Variants in ZNG1F observed in about 807,000 individuals in gnomAD.
The protein encoded by ZNG1F is Zn regulated GTPase metalloprotein activator 1F, also known as zinc-regulated GTPase metalloprotein activator 1F.
the ZNG1F span, among the ~76,000 whole-genome samples, chr9:41,166,605 TAA>T: frequency 5.8e-5 from 5 of 85,642 alleles, no homozygotes; most frequent in Non-Finnish European, 8.7e-5. Context: ...TGACTTCAAG[TAA>T]AAGTTTAGTT....
At chr9:41,191,022 T>G in the ZNG1F span, among the ~76,000 whole-genome samples, 2 of 39,876 alleles carry the variant, frequency 5.0e-5, no homozygotes, top group African/African-American at 1.3e-4. Context: ...AATCAGGTCT[T>G]GAATGTTTTG....
At chr9:41,199,814 G>A in the ZNG1F span, among the ~76,000 whole-genome samples, 27 of 152,008 alleles carry the variant, frequency 1.8e-4, no homozygotes, top group African/African-American at 6.0e-4. Context: ...CTGTGCACCC[G>A]CAGGCTCAAA....
the ZNG1F span, among the ~76,000 whole-genome samples, chr9:41,154,695 A>G: frequency 4.7e-5 from 7 of 149,220 alleles, no homozygotes; most frequent in African/African-American, 1.7e-4. Flanking sequence ...CTCAGAAATA[A>G]TGCCGCATAT....
At chr9:41,195,435 G>T in the ZNG1F span, among the ~76,000 whole-genome samples, 1 of 41,058 alleles carries the variant, frequency 2.4e-5, no homozygotes, top group Non-Finnish European at 7.4e-5. Context: ...GAATATTGAA[G>T]ATGACTAGCA....
chr9:41,139,994 T>TA, the ZNG1F span, among the ~76,000 whole-genome samples: 2 of 151,944 alleles, frequency 1.3e-5, no homozygotes, highest in Admixed American at 1.3e-4. Context: ...GTTCAATGGG[T>TA]ATAATTTTAG....
chr9:41,169,689 T>C, the ZNG1F span, among the ~76,000 whole-genome samples: 19 of 147,826 alleles, frequency 1.3e-4, no homozygotes, highest in African/African-American at 4.5e-4. Context: ...TAGTTAATTC[T>C]ATTGTATACT....
the ZNG1F span, among the ~76,000 whole-genome samples, chr9:41,151,827 GC>G: frequency 6.9e-6 from 1 of 143,990 alleles, no homozygotes. Context: ...CACCAGGCCT[GC>G]CCTAAAAGAG....
chr9:41,192,616 G>T, the ZNG1F span, among the ~76,000 whole-genome samples: 1 of 115,798 alleles, frequency 8.6e-6, no homozygotes, highest in Non-Finnish European at 1.8e-5. Context: ...TGGGATTACA[G>T]GTATGCACCA....
chr9:41,146,101 GAGTC>G, the ZNG1F span: 2 of 146,148 alleles, frequency 1.4e-5, no homozygotes. Flanking sequence ...TGGAGGGAAT[GAGTC>G]TCTTTGGGGG....
chr9:41,158,935 TAAAC>T, the ZNG1F span: 4 of 137,206 alleles, frequency 2.9e-5, no homozygotes, highest in Admixed American at 1.5e-4. Context: ...GAGAATGAAG[TAAAC>T]AAAAAAGGGA....
chr9:41,162,692 TAGTC>T, the ZNG1F span, among the ~76,000 whole-genome samples: 1 of 98,730 alleles, frequency 1.0e-5, no homozygotes, highest in Non-Finnish European at 2.2e-5. Flanking sequence ...CATTCATAAA[TAGTC>T]AGTTATCCCA....
chr9:41,141,235 C>T, the ZNG1F span, among the ~76,000 whole-genome samples: 3 of 151,402 alleles, frequency 2.0e-5, no homozygotes, highest in Non-Finnish European at 2.9e-5. Flanking sequence ...TCTGTAATTC[C>T]CAGTGCAGAA....
the ZNG1F span, among the ~76,000 whole-genome samples, chr9:41,139,683 T>C: frequency 6.6e-6 from 1 of 151,862 alleles, no homozygotes; most frequent in South Asian, 2.1e-4. Context: ...AAAGTACTTA[T>C]TTTGTCACAG....
At chr9:41,147,897 A>G in the ZNG1F span, among the ~76,000 whole-genome samples, 1 of 135,560 alleles carries the variant, frequency 7.4e-6, no homozygotes, top group East Asian at 2.5e-4. Flanking sequence ...ACCTTGAAGT[A>G]AAAAGAAGAA....
At chr9:41,184,167 C>T in the ZNG1F span, among the ~76,000 whole-genome samples, 1,281 of 129,742 alleles carry the variant, frequency 9.9e-3, no homozygotes, top group Non-Finnish European at 0.014. Context: ...GGCCAGTGTA[C>T]CATGTGCTCA....
the ZNG1F span, among the ~76,000 whole-genome samples, chr9:41,139,675 A>C: frequency 6.6e-6 from 1 of 151,836 alleles, no homozygotes; most frequent in African/African-American, 2.4e-5. Context: ...GACTTTTAAA[A>C]GTACTTATTT....
chr9:41,177,550 C>T, the ZNG1F span: 487 of 97,382 alleles, frequency 5.0e-3, no homozygotes, highest in Admixed American at 0.027. Flanking sequence ...TTTTCAGGAA[C>T]GAAAGCAATA....
the ZNG1F span, chr9:41,183,685 T>C: frequency 5.7e-5 from 92 of 1,606,166 alleles, 7 homozygotes; most frequent in Non-Finnish European, 7.5e-5. Flanking sequence ...AAACAATAAA[T>C]AAACAAACTC....
chr9:41,183,429 T>A, the ZNG1F span: 2 of 1,008,320 alleles, frequency 2.0e-6, no homozygotes, highest in Non-Finnish European at 1.4e-6. Flanking sequence ...CCTAATAAGT[T>A]TATTTTCTAT....
Sources: allele counts gnomAD v4.1 joint callset (sites outside exome capture counted in the v4.1 genomes callset), GRCh38; gene constraint gnomAD v4.1.1; transcripts MANE v1.5; gene names NCBI Gene and HGNC (gene_info 2026-07-23, HGNC 2026-07-21).